PABPC4L: variants seen among roughly 807,000 people sequenced by gnomAD.
PABPC4L encodes polyadenylate-binding protein 4-like.
For missense variants in PABPC4L, 452 were observed against 451.4 expected (o/e 1.00, Z -0.01); for synonymous variants, 169 against 164.1 (o/e 1.03, Z -0.23).
At chr4:134,135,725 C>T in the PABPC4L span, among the ~76,000 whole-genome samples, 7 of 152,054 alleles carry the variant, frequency 4.6e-5, no homozygotes, top group East Asian at 3.9e-4. Flanking sequence ...CCCAGATACT[C>T]GGGAGGCTGA....
chr4:134,077,586 G>A, the PABPC4L span, among the ~76,000 whole-genome samples: 5 of 152,058 alleles, frequency 3.3e-5, no homozygotes, highest in East Asian at 1.9e-4. Flanking sequence ...AACAGAAATC[G>A]TAGTAGTGTC....
the PABPC4L span, among the ~76,000 whole-genome samples, chr4:133,975,983 G>A: frequency 1.4e-4 from 21 of 151,810 alleles, no homozygotes; most frequent in African/African-American, 3.4e-4. Context: ...TTTAAGTTCC[G>A]GGGTACATGT....
chr4:133,965,170 C>G, the PABPC4L span, among the ~76,000 whole-genome samples: 2 of 152,016 alleles, frequency 1.3e-5, no homozygotes, highest in African/African-American at 4.8e-5. Context: ...TCCTACACAT[C>G]AATAGTGACC....
chr4:133,997,076 A>C, the PABPC4L span, among the ~76,000 whole-genome samples: 1 of 152,164 alleles, frequency 6.6e-6, no homozygotes, highest in Non-Finnish European at 1.5e-5. Flanking sequence ...TCTTTCCTAT[A>C]ATTTTTCCCA....
At chr4:134,072,167 T>G in the PABPC4L span, among the ~76,000 whole-genome samples, 2 of 152,162 alleles carry the variant, frequency 1.3e-5, no homozygotes, top group African/African-American at 4.8e-5. Context: ...CAAAATGCCT[T>G]CAGCTTCCTT....
At chr4:134,086,670 A>G in the PABPC4L span, among the ~76,000 whole-genome samples, 2 of 150,314 alleles carry the variant, frequency 1.3e-5, no homozygotes, top group Admixed American at 1.3e-4. Flanking sequence ...ACAGGGACCT[A>G]TGTGGCACCT....
the PABPC4L span, among the ~76,000 whole-genome samples, chr4:134,125,522 G>A: frequency 6.6e-6 from 1 of 152,002 alleles, no homozygotes. Flanking sequence ...CTGTTGCCTG[G>A]TTTAAGAAGC....
the PABPC4L span, chr4:133,978,003 T>G: frequency 6.6e-6 from 1 of 152,320 alleles, no homozygotes; most frequent in South Asian, 2.1e-4. Flanking sequence ...TTTTGGCATG[T>G]GTAGTAATAT....
downstream of PABPC4L, among the ~76,000 whole-genome samples, chr4:134,193,976 C>T (rs971280762): frequency 2.0e-5 from 3 of 151,766 alleles, no homozygotes; most frequent in Non-Finnish European, 2.9e-5. Context: ...GTGAAAGATA[C>T]CTGAAAGAGA....
chr4:133,989,356 C>A, the PABPC4L span, among the ~76,000 whole-genome samples: 1 of 152,124 alleles, frequency 6.6e-6, no homozygotes, highest in Non-Finnish European at 1.5e-5. Flanking sequence ...ATTTCTTCCA[C>A]CACATACTCT....
the PABPC4L span, among the ~76,000 whole-genome samples, chr4:133,955,867 T>C: frequency 2.0e-5 from 3 of 152,324 alleles, no homozygotes; most frequent in East Asian, 1.9e-4. Flanking sequence ...CTTTTTATTC[T>C]GAAGAGTCTT....
At chr4:133,972,609 A>C in the PABPC4L span, among the ~76,000 whole-genome samples, 1 of 152,312 alleles carries the variant, frequency 6.6e-6, no homozygotes, top group East Asian at 1.9e-4. Context: ...AAAAATGGTG[A>C]ACCTCAATTA....
chr4:133,955,764 G>T, the PABPC4L span, among the ~76,000 whole-genome samples: 3 of 152,256 alleles, frequency 2.0e-5, no homozygotes, highest in Non-Finnish European at 4.4e-5. Flanking sequence ...ATAGTACTGG[G>T]GGTTATGCCT....
At chr4:134,051,628 A>T in the PABPC4L span, among the ~76,000 whole-genome samples, 5 of 152,152 alleles carry the variant, frequency 3.3e-5, no homozygotes, top group African/African-American at 1.2e-4. Flanking sequence ...AAAAATCTTT[A>T]AAGTGTAAAT....
chr4:134,032,990 C>T, the PABPC4L span, among the ~76,000 whole-genome samples: 9 of 147,620 alleles, frequency 6.1e-5, no homozygotes, highest in African/African-American at 2.2e-4. Flanking sequence ...TGTGTTATTG[C>T]AGTTTGCTTT....
chr4:134,087,960 C>T, the PABPC4L span, among the ~76,000 whole-genome samples: 110 of 152,138 alleles, frequency 7.2e-4, no homozygotes, highest in African/African-American at 2.6e-3. Context: ...GCTTTTCCTG[C>T]TTTGGGTGTT....
In PABPC4L at chr4:134,201,264, A is replaced by G; in HGVS notation, c.-226-19T>C. ...AACAGAACTGTGAAATCGCAAAGAG[A>G]GATTATTAGGACAAGACGTTCCTTC... On this transcript the variant is annotated intron_variant, in intron 1 of 1. Coordinates refer to ENST00000421491, the MANE Select transcript of PABPC4L (RefSeq NM_001114734.2). 3.3e-6 allele frequency: 5 copies of G among 1,500,246 alleles called. No homozygotes were observed. Among genetic ancestry groups the G allele is most frequent in the Non-Finnish European group, 8.9e-7 (1 of 1,118,728 alleles). The allele number at this position is 1,500,246 out of a possible 1,614,324, so 92.9% of individuals were successfully genotyped here. A position where few individuals can be genotyped will look rare whatever the true frequency, so the allele number is the denominator to read the frequency against.
chr4:134,013,198 C>T, the PABPC4L span, among the ~76,000 whole-genome samples: 24 of 151,920 alleles, frequency 1.6e-4, no homozygotes, highest in Non-Finnish European at 2.6e-4. Flanking sequence ...TCACCCTTAG[C>T]GGCAAGTCCC....
At chr4:134,020,395 T>C in the PABPC4L span, among the ~76,000 whole-genome samples, 1 of 152,268 alleles carries the variant, frequency 6.6e-6, no homozygotes, top group Non-Finnish European at 1.5e-5. Flanking sequence ...TCAATGTTAT[T>C]ATCTTTAAAG....
Sources: gnomAD v4.1 joint callset for allele counts (sites outside exome capture counted in the v4.1 genomes callset) on GRCh38, gnomAD v4.1.1 for gene constraint, MANE v1.5 for transcripts, NCBI Gene and HGNC (gene_info 2026-07-23, HGNC 2026-07-21) for gene names.